Variants in CACNA2D1 observed in about 807,000 individuals in gnomAD.
CACNA2D1 encodes voltage-dependent calcium channel subunit alpha-2/delta-1.
CACNA2D1 carries 53 observed loss-of-function variants against 171.5 expected under a neutral mutation model. That is an observed-to-expected ratio of 0.31 (90% CI 0.25 to 0.39). The LOEUF is 0.39. Ranked by LOEUF, CACNA2D1 falls within the 10% of genes least tolerant of loss-of-function variation. CACNA2D1 has a pLI of 1.00. For synonymous variants in CACNA2D1, 442 were observed against 443.1 expected (o/e 1.00, Z 0.03); for missense variants, 903 against 1,299.8 (o/e 0.69, Z 4.69).
intron 18 of CACNA2D1, among the ~76,000 whole-genome samples, chr7:81,998,292 C>G (rs1416685613): frequency 3.3e-5 from 5 of 151,850 alleles, no homozygotes; most frequent in African/African-American, 9.7e-5. Context: ...AATCTGATAA[C>G]TAGATTCCAG....
intron 21 of CACNA2D1, among the ~76,000 whole-genome samples, chr7:81,987,823 A>C (rs1328191989): frequency 6.6e-6 from 1 of 152,196 alleles, no homozygotes; most frequent in Non-Finnish European, 1.5e-5. Context: ...TGGTGATGGA[A>C]GTGGCAGAAA....
In CACNA2D1 at chr7:81,958,150, G is replaced by GGATCAATAATCCCTCACAGAGAT. The variant is rs1355452679; in HGVS notation, c.3159+1102_3159+1124dup. Among the ~76,000 whole-genome samples, 11 of 151,880 alleles carry GGATCAATAATCCCTCACAGAGAT rather than the reference G, an allele frequency of 7.2e-5. No individual in the cohort carries two copies. In the South Asian group the frequency reaches 1.9e-3, roughly 26 times the overall value. ...AATGTTGAATTACTCTCCCTAGCAAGGATCAATAATCCCTCACAGAGATAA... is the reference window on the plus strand; with the variant it reads ...AATGTTGAATTACTCTCCCTAGCAAGGATCAATAATCCCTCACAGAGATGATCAATAATCCCTCACAGAGATAA... On this transcript the variant is annotated intron_variant, in intron 38 of 38. Coordinates refer to ENST00000356860, the MANE Select transcript of CACNA2D1 (RefSeq NM_000722.4).
intron 15 of CACNA2D1, among the ~76,000 whole-genome samples, chr7:82,010,664 T>C (rs1175888327): frequency 1.3e-5 from 2 of 152,198 alleles, no homozygotes; most frequent in East Asian, 1.9e-4. Context: ...TGGACAGTAA[T>C]TTTAAGCTAG....
At chr7:82,011,390 T>C (rs1046631338) in intron 15 of CACNA2D1, among the ~76,000 whole-genome samples, 3 of 152,194 alleles carry the variant, frequency 2.0e-5, no homozygotes, top group African/African-American at 7.2e-5. Context: ...TAGATGCCAG[T>C]AGCAACCCCT....
chr7:82,087,710 G>C (rs1275516539), intron 6 of CACNA2D1, among the ~76,000 whole-genome samples: 1 of 151,908 alleles, frequency 6.6e-6, no homozygotes, highest in East Asian at 1.9e-4. Flanking sequence ...TATTACTCTG[G>C]TACCTTGAAA....
intron 2 of CACNA2D1, among the ~76,000 whole-genome samples, chr7:82,346,069 A>C (rs2129445469): frequency 6.6e-6 from 1 of 152,188 alleles, no homozygotes; most frequent in African/African-American, 2.4e-5. Context: ...CTTACTCTTA[A>C]ATGACTGGAT....
chr7:82,407,565 T>C (rs1336238777), intron 1 of CACNA2D1, among the ~76,000 whole-genome samples: 2 of 152,230 alleles, frequency 1.3e-5, no homozygotes, highest in Non-Finnish European at 2.9e-5. Flanking sequence ...TATAAATTCA[T>C]GAAGATTTCC....
intron 3 of CACNA2D1, among the ~76,000 whole-genome samples, chr7:82,243,519 A>G (rs750248624): frequency 9.2e-5 from 14 of 152,340 alleles, no homozygotes; most frequent in African/African-American, 2.6e-4. Context: ...ATATTAATCA[A>G]TTTGTTATAA....
intron 24 of CACNA2D1, among the ~76,000 whole-genome samples, chr7:81,979,311 A>C (rs1336585715): frequency 6.6e-6 from 1 of 152,170 alleles, no homozygotes; most frequent in Non-Finnish European, 1.5e-5. Context: ...TGTAAAAAAA[A>C]ATATGAAATG....
chr7:82,067,674 G>A (rs1807821219), intron 7 of CACNA2D1, among the ~76,000 whole-genome samples: 1 of 152,112 alleles, frequency 6.6e-6, no homozygotes, highest in Non-Finnish European at 1.5e-5. Flanking sequence ...ACTGCAATTT[G>A]TTCAATTTGC....
In CACNA2D1 at chr7:82,012,186, C is replaced by T. The variant is rs1799865602; in HGVS notation, c.1330G>A (p.Val444Ile). 3.1e-6 allele frequency: 5 copies of T among 1,607,942 alleles called. No individual in the cohort carries two copies. The highest frequency in any genetic ancestry group is 1.1e-5 in the South Asian group (1 of 90,950). ...MVLAGDKAKQ[V>I]QWTNVYLDAL... ...TCCAGGTACACATTTGTCCATTGGA[C>T]TTGCTTAGCTTTGTCTCCTGCTAAA... Residue 444 changes from valine (V) to isoleucine (I), a missense_variant, in exon 15 of 39, where the codon GTC becomes ATC. Val to Ile is a conservative substitution (Grantham distance 29). Transcript: ENST00000356860.
chr7:82,005,516 A>C lies in CACNA2D1; in HGVS notation c.1516-19T>G. ...GGCACAGCTGGAAAAGAAAAAAAAA[A>C]AAAAGCTTGGATATGCCTGAGTCAC... On this transcript the variant is annotated intron_variant, in intron 17 of 38. Coordinates refer to ENST00000356860, the MANE Select transcript of CACNA2D1 (RefSeq NM_000722.4). 6.5e-7 allele frequency: 1 copy of C among 1,538,460 alleles called. No homozygotes were observed. The highest frequency in any genetic ancestry group is 8.9e-7 in the Non-Finnish European group (1 of 1,127,836).
chr7:82,058,008 C>T (rs1806155834), intron 10 of CACNA2D1, among the ~76,000 whole-genome samples: 1 of 152,118 alleles, frequency 6.6e-6, no homozygotes, highest in African/African-American at 2.4e-5. Context: ...TTCTAACTAC[C>T]AGCACCTACA....
chr7:82,260,550 G>A (rs1293972944), intron 3 of CACNA2D1, among the ~76,000 whole-genome samples: 2 of 152,164 alleles, frequency 1.3e-5, no homozygotes, highest in Non-Finnish European at 2.9e-5. Flanking sequence ...AAAGACATCA[G>A]CCTCTCTAGT....
chr7:82,012,904 T>G (rs376614486), intron 14 of CACNA2D1, among the ~76,000 whole-genome samples: 3 of 152,136 alleles, frequency 2.0e-5, no homozygotes, highest in African/African-American at 7.2e-5. Context: ...AAAGAATAAA[T>G]ATTTAAATTA....
chr7:82,145,372 A>G (rs1239885015), intron 4 of CACNA2D1, among the ~76,000 whole-genome samples: 1 of 144,622 alleles, frequency 6.9e-6, no homozygotes, highest in African/African-American at 2.5e-5. Context: ...TACACATTAT[A>G]TATTATATAT....
intron 3 of CACNA2D1, among the ~76,000 whole-genome samples, chr7:82,277,190 T>C (rs980031094): frequency 6.6e-6 from 1 of 152,120 alleles, no homozygotes. Flanking sequence ...TATTTGAATA[T>C]TTAATTGCGT....
intron 6 of CACNA2D1, among the ~76,000 whole-genome samples, chr7:82,088,652 A>G (rs150823405): frequency 2.0e-4 from 30 of 152,302 alleles, no homozygotes; most frequent in African/African-American, 7.0e-4. Context: ...TCTTTACGAA[A>G]AAACTTAAAA....
chr7:81,965,792 A>C (rs1794656457), intron 31 of CACNA2D1, 127 bp from the exon 32 acceptor site: 1 of 690,418 alleles, frequency 1.4e-6, no homozygotes. Flanking sequence ...CTTCTCTTGA[A>C]CATATATGTT....
Sources: gnomAD v4.1 joint callset for allele counts (sites outside exome capture counted in the v4.1 genomes callset) on GRCh38, gnomAD v4.1.1 for gene constraint, MANE v1.5 for transcripts, NCBI Gene and HGNC (gene_info 2026-07-23, HGNC 2026-07-21) for gene names.